The following DIAPH2 variants were observed in gnomAD, a reference collection of about 807,000 sequenced individuals.
DIAPH2 encodes diaphanous related formin 2.
Under a neutral mutation model 92.7 loss-of-function variants are expected in DIAPH2, and 35 were observed. That is an observed-to-expected ratio of 0.38 (90% CI 0.29 to 0.50). DIAPH2 has a LOEUF of 0.50. DIAPH2 is among the 20% of genes least tolerant of loss of function. DIAPH2 has a pLI of 0.94. For missense variants in DIAPH2, 701 were observed against 819.5 expected (o/e 0.86, Z 1.77); for synonymous variants, 301 against 280.4 (o/e 1.07, Z -0.73).
chrX:97,583,190 T>C (rs1008162124), intron 26 of DIAPH2, among the ~76,000 whole-genome samples: 8 of 112,597 alleles, frequency 7.1e-5, no homozygotes, highest in Non-Finnish European at 9.4e-5. Flanking sequence ...AGTCATTCTC[T>C]GTCCAGCTTT....
chrX:97,311,909 G>A (rs1198140358), intron 23 of DIAPH2, among the ~76,000 whole-genome samples: 1 of 110,254 alleles, frequency 9.1e-6, no homozygotes, highest in Non-Finnish European at 1.9e-5. Flanking sequence ...CTCACTGCAA[G>A]CTCTGTCTCC....
chrX:96,910,898 A>C (rs2065465103), intron 5 of DIAPH2, among the ~76,000 whole-genome samples: 1 of 111,396 alleles, frequency 9.0e-6, no homozygotes, highest in Non-Finnish European at 1.9e-5. Context: ...GAGGAAAAGG[A>C]ACTCATTTGA....
Position 97,400,896 on chromosome X carries a change from ATTTTTT to A in DIAPH2, c.3145+16864_3145+16869del, listed in dbSNP as rs781569904. ...ATTTATACTTACCCACATATTATTC[ATTTTTT>A]TTTTTTTTTTTAGACAAGGGAGTCT... On this transcript the variant is annotated intron_variant, in intron 25 of 26. Coordinates refer to ENST00000324765, the MANE Select transcript of DIAPH2 (RefSeq NM_006729.5). Among the ~76,000 whole-genome samples, 8 of 91,805 alleles carry A rather than the reference ATTTTTT, an allele frequency of 8.7e-5. No homozygotes were observed. In the Admixed American group the frequency reaches 9.6e-4, roughly 11 times the overall value. 79.7% of individuals were successfully genotyped at this position (91,805 alleles called of 115,157 possible).
intron 19 of DIAPH2, among the ~76,000 whole-genome samples, chrX:97,085,017 A>G (rs1476302399): frequency 8.9e-6 from 1 of 111,759 alleles, no homozygotes; most frequent in Non-Finnish European, 1.9e-5. Context: ...TATTATTATT[A>G]AAAACTGAGA....
rs1427193067 is a variant in DIAPH2, at chrX:97,192,310, A to G, written c.2719+50516A>G. ...CTCCGTCTCAAAAAAAAAAAAAAAA[A>G]AAAAGAAAAGAAAAGAAAAGTACTT... On this transcript the variant is annotated intron_variant, in intron 22 of 26. Coordinates refer to ENST00000324765, the MANE Select transcript of DIAPH2 (RefSeq NM_006729.5). 4.1e-3 allele frequency among the ~76,000 whole-genome samples: 421 copies of G among 102,906 alleles called. 2 individuals are homozygous for G. Among genetic ancestry groups the G allele is most frequent in the Non-Finnish European group, 6.7e-3 (352 of 52,174 alleles). The allele number at this position is 102,906 out of a possible 115,157, so 89.4% of individuals were successfully genotyped here.
At chrX:97,042,959 T>C (rs1483966295) in intron 17 of DIAPH2, among the ~76,000 whole-genome samples, 1 of 112,060 alleles carries the variant, frequency 8.9e-6, no homozygotes, top group African/African-American at 3.2e-5. Context: ...TATGTAGACA[T>C]GAATACCGAT....
At chrX:96,840,489 A>G (rs1050661235) in intron 4 of DIAPH2, among the ~76,000 whole-genome samples, 3 of 111,966 alleles carry the variant, frequency 2.7e-5, no homozygotes, top group Non-Finnish European at 5.6e-5. Context: ...TATATTCTGC[A>G]AGAGGAAATG....
intron 21 of DIAPH2, among the ~76,000 whole-genome samples, chrX:97,125,329 C>T (rs771035453): frequency 8.3e-5 from 9 of 107,923 alleles, no homozygotes; most frequent in Non-Finnish European, 1.2e-4. Context: ...AAAAATTAGC[C>T]GGGCGTGGTG....
chrX:96,773,887 A>G (rs2064357733), intron 4 of DIAPH2, among the ~76,000 whole-genome samples: 1 of 111,506 alleles, frequency 9.0e-6, no homozygotes. Context: ...ACAAAAAAAT[A>G]AAGGGACAAC....
At chrX:96,938,109 AAT>A (rs2065670050) in intron 11 of DIAPH2, among the ~76,000 whole-genome samples, 1 of 110,975 alleles carries the variant, frequency 9.0e-6, no homozygotes, top group South Asian at 3.8e-4. Flanking sequence ...AGCTGGAAGT[AAT>A]ATTCCCCTCC....
chrX:96,856,415 G>A (rs760445491), intron 4 of DIAPH2, among the ~76,000 whole-genome samples: 1 of 107,678 alleles, frequency 9.3e-6, no homozygotes, highest in South Asian at 4.2e-4. Context: ...GAGTTAGCAG[G>A]AGATTTAAAA....
intron 4 of DIAPH2, among the ~76,000 whole-genome samples, chrX:96,854,613 A>G (rs1353622492): frequency 3.0e-5 from 2 of 66,434 alleles, no homozygotes; most frequent in African/African-American, 6.1e-5. Flanking sequence ...ATATATATAT[A>G]TATATATATA....
intron 4 of DIAPH2, among the ~76,000 whole-genome samples, chrX:96,781,465 T>C (rs2064417238): frequency 1.8e-5 from 2 of 111,579 alleles, no homozygotes; most frequent in Non-Finnish European, 3.8e-5. Context: ...GTTATCCTTA[T>C]TACCTCCACC....
At chrX:96,874,111 A>G (rs1202286460) in intron 4 of DIAPH2, among the ~76,000 whole-genome samples, 1 of 111,838 alleles carries the variant, frequency 8.9e-6, no homozygotes, top group African/African-American at 3.2e-5. Context: ...GGGGCTGCTA[A>G]TACCACTGTA....
At chrX:96,984,829 G>C (rs1321206530) in intron 17 of DIAPH2, among the ~76,000 whole-genome samples, 3 of 111,384 alleles carry the variant, frequency 2.7e-5, no homozygotes, top group African/African-American at 9.8e-5. Context: ...ACAGAAAGGA[G>C]TTGATTCATA....
At chrX:97,384,947 G>A (rs1471869963) in intron 25 of DIAPH2, among the ~76,000 whole-genome samples, 1 of 110,939 alleles carries the variant, frequency 9.0e-6, no homozygotes, top group Non-Finnish European at 1.9e-5. Context: ...TTGTTGGTGA[G>A]TTGTTTGGTT....
At chrX:96,702,083 T>C (rs1025405210) in intron 1 of DIAPH2, among the ~76,000 whole-genome samples, 2 of 112,343 alleles carry the variant, frequency 1.8e-5, no homozygotes, top group African/African-American at 6.5e-5. Context: ...TACATAAATA[T>C]GTTTTATTTT....
At chrX:96,730,705 T>C (rs1327140282) in intron 1 of DIAPH2, among the ~76,000 whole-genome samples, 4 of 111,453 alleles carry the variant, frequency 3.6e-5, no homozygotes, top group African/African-American at 1.3e-4. Context: ...TCAACTAGAG[T>C]GTAACCTCCT....
intron 21 of DIAPH2, among the ~76,000 whole-genome samples, chrX:97,129,301 A>C (rs2067121250): frequency 9.3e-6 from 1 of 107,618 alleles, no homozygotes; most frequent in Non-Finnish European, 1.9e-5. Context: ...CGAGTAGCTG[A>C]GACTACAGGT....
Sources: allele counts gnomAD v4.1 joint callset (sites outside exome capture counted in the v4.1 genomes callset), GRCh38; gene constraint gnomAD v4.1.1; transcripts MANE v1.5; gene names NCBI Gene and HGNC (gene_info 2026-07-23, HGNC 2026-07-21).